PCCA: variants seen among roughly 807,000 people sequenced by gnomAD.
PCCA encodes propionyl-CoA carboxylase subunit alpha.
PCCA carries 74 observed loss-of-function variants against 101.3 expected under a neutral mutation model. The observed-to-expected ratio is 0.73, with a 90% CI of 0.61 to 0.89. The LOEUF (loss-of-function observed/expected upper bound fraction) is 0.89, where lower values mean the gene tolerates loss of function less well. Among genes scored for constraint, PCCA ranks in the 40% least tolerant of loss-of-function variants. PCCA has a pLI of 0.00. For missense variants in PCCA, 891 were observed against 907.0 expected, an observed-to-expected ratio of 0.98 and a Z score of 0.23; for synonymous variants, 294 against 313.6, an observed-to-expected ratio of 0.94 and a Z score of 0.66.
At chr13:100,355,233 A>C (rs570515821) in intron 18 of PCCA, among the ~76,000 whole-genome samples, 1 of 152,306 alleles carries the variant, frequency 6.6e-6, no homozygotes, top group African/African-American at 2.4e-5. Context: ...ATGCAAAAAA[A>C]AAATCTGACA....
chr13:100,251,264 A>G (rs186008671), intron 8 of PCCA, among the ~76,000 whole-genome samples: 1 of 152,364 alleles, frequency 6.6e-6, no homozygotes, highest in Admixed American at 6.5e-5. Context: ...CTCATATACA[A>G]AGTTCCAGAC....
chr13:100,114,038 C>T (rs957547118), intron 4 of PCCA, among the ~76,000 whole-genome samples: 48 of 151,676 alleles, frequency 3.2e-4, no homozygotes, highest in African/African-American at 1.5e-4. Context: ...TTGGTAAAAA[C>T]GAAGACTCAA....
In PCCA at chr13:100,279,148, G is replaced by T. The variant is rs566626881; in HGVS notation, c.1065+5802G>T. Among the ~76,000 whole-genome samples, 30 of 152,176 alleles carry T rather than the reference G, an allele frequency of 2.0e-4. No homozygotes were observed. In the South Asian group the frequency reaches 5.2e-3, roughly 26 times the overall value. ...CTGACTGATTAGAGCTCTTGTTCAC[G>T]AACAGAGCTCTGATAGTACCTAATG... On this transcript the variant is annotated intron_variant, in intron 12 of 23. Transcript: ENST00000376285.
chr13:100,247,620 TCTC>T (rs1388499104), intron 8 of PCCA, among the ~76,000 whole-genome samples: 1 of 151,130 alleles, frequency 6.6e-6, no homozygotes, highest in Non-Finnish European at 1.5e-5. Flanking sequence ...TTCAAGCAAT[TCTC>T]CTGCCTCAGC....
chr13:100,501,425 C>T (rs1037109386), intron 21 of PCCA, among the ~76,000 whole-genome samples: 3 of 152,186 alleles, frequency 2.0e-5, no homozygotes, highest in East Asian at 3.9e-4. Context: ...TCTCCAGCAG[C>T]GCATTGTCAG....
intron 21 of PCCA, among the ~76,000 whole-genome samples, chr13:100,499,814 T>C (rs2152987559): frequency 6.6e-6 from 1 of 152,330 alleles, no homozygotes; most frequent in Non-Finnish European, 1.5e-5. Flanking sequence ...GTTTTCAAAA[T>C]AACATAGGAG....
intron 23 of PCCA, among the ~76,000 whole-genome samples, chr13:100,529,516 C>T (rs1046044589): frequency 6.6e-6 from 1 of 152,164 alleles, no homozygotes; most frequent in Non-Finnish European, 1.5e-5. Flanking sequence ...ACCGGTAGGA[C>T]AAAAAGGCAC....
chr13:100,223,869 T>A lies in PCCA; in HGVS notation c.601-11973T>A, dbSNP rs1047869001. On this transcript the variant is annotated intron_variant, in intron 7 of 23. Transcript: ENST00000376285. ...GAGTAGCTAGATACAGAGTGTCGAT[T>A]GGTGCATTCACAAACCCTGAGCTAG... Among the ~76,000 whole-genome samples the A allele has an allele frequency of 2.0e-5, 3 of 152,190 alleles. No homozygotes were observed. In the East Asian group the frequency reaches 5.8e-4, roughly 29 times the overall value.
At chr13:100,470,367 C>A (rs1175958758) in intron 21 of PCCA, among the ~76,000 whole-genome samples, 1 of 152,132 alleles carries the variant, frequency 6.6e-6, no homozygotes, top group Non-Finnish European at 1.5e-5. Context: ...ATGTTTATGG[C>A]GGGCACCTCT....
intron 19 of PCCA, among the ~76,000 whole-genome samples, chr13:100,415,875 C>A (rs918511388): frequency 8.5e-5 from 13 of 152,110 alleles, no homozygotes; most frequent in Admixed American, 6.5e-5. Flanking sequence ...TTAGCAGGTG[C>A]TTGTTGTAAT....
intron 10 of PCCA, among the ~76,000 whole-genome samples, chr13:100,266,394 G>A (rs2062934872): frequency 6.6e-6 from 1 of 152,138 alleles, no homozygotes; most frequent in African/African-American, 2.4e-5. Flanking sequence ...AAACATAAGT[G>A]AAAATGCCTC....
intron 8 of PCCA, among the ~76,000 whole-genome samples, chr13:100,241,779 A>G (rs1450362037): frequency 2.0e-5 from 3 of 152,008 alleles, no homozygotes; most frequent in Non-Finnish European, 1.5e-5. Context: ...CTATTTATTC[A>G]TCTATTGATG....
chr13:100,314,808 G>A (rs191227754), intron 16 of PCCA, among the ~76,000 whole-genome samples: 2 of 152,304 alleles, frequency 1.3e-5, no homozygotes, highest in East Asian at 3.9e-4. Flanking sequence ...AAAGACACAT[G>A]ACAACTAAAT....
chr13:100,495,380 G>A (rs1007881184), intron 21 of PCCA, among the ~76,000 whole-genome samples: 6 of 152,156 alleles, frequency 3.9e-5, no homozygotes, highest in Non-Finnish European at 8.8e-5. Context: ...GCCAGCACTG[G>A]AGAGACGCTA....
chr13:100,456,459 A>G (rs974643256), intron 21 of PCCA, among the ~76,000 whole-genome samples: 2 of 152,282 alleles, frequency 1.3e-5, no homozygotes, highest in African/African-American at 4.8e-5. Flanking sequence ...ACAAAGAGAT[A>G]AAGAGAAAGC....
chr13:100,179,760 C>CGT (rs778203322), intron 6 of PCCA, among the ~76,000 whole-genome samples: 117 of 150,248 alleles, frequency 7.8e-4, no homozygotes, highest in Admixed American at 1.5e-3. Flanking sequence ...TGTGTGTGTA[C>CGT]GTGTGTGTGT....
At chr13:100,527,455 G>A (rs935907397) in intron 22 of PCCA, 2 of 578,670 alleles carry the variant, frequency 3.5e-6, no homozygotes, top group Admixed American at 2.7e-5. Flanking sequence ...CAGGGTCAGG[G>A]ATTTTTTTTT....
intron 19 of PCCA, among the ~76,000 whole-genome samples, chr13:100,424,337 C>G (rs1310451606): frequency 2.6e-5 from 4 of 152,080 alleles, no homozygotes; most frequent in Non-Finnish European, 5.9e-5. Flanking sequence ...GAACCCGCCT[C>G]CCATGGATTC....
intron 6 of PCCA, among the ~76,000 whole-genome samples, chr13:100,207,087 T>C (rs2058902835): frequency 6.6e-6 from 1 of 152,232 alleles, no homozygotes; most frequent in African/African-American, 2.4e-5. Flanking sequence ...ATGTGTATGC[T>C]TGTTTTTTTG....
Sources: allele counts gnomAD v4.1 joint callset (sites outside exome capture counted in the v4.1 genomes callset), GRCh38; gene constraint gnomAD v4.1.1; transcripts MANE v1.5; gene names NCBI Gene and HGNC (gene_info 2026-07-23, HGNC 2026-07-21).